Variants in DNAH9 observed in about 807,000 individuals in gnomAD.
DNAH9 encodes DNAH9 variant protein.
A neutral mutation model predicts 471.6 loss-of-function variants in DNAH9; 345 were observed. That is an observed-to-expected ratio of 0.73 (90% CI 0.67 to 0.80). DNAH9 has a LOEUF of 0.80. Among genes scored for constraint, DNAH9 ranks in the 30% least tolerant of loss-of-function variants. The pLI is 0.00. For synonymous variants in DNAH9, 2,093 were observed against 2,123.6 expected (o/e 0.99, Z 0.40); for missense variants, 5,407 against 5,609.2 (o/e 0.96, Z 1.15).
chr17:11,818,571 A>T lies in DNAH9; in HGVS notation c.8708-3349A>T, dbSNP rs575202377. 1.4e-4 allele frequency among the ~76,000 whole-genome samples: 21 copies of T among 152,274 alleles called. No individual in the cohort carries two copies. The East Asian group carries it at 3.3e-3, about 24-fold the overall frequency. On this transcript the variant is annotated intron_variant, in intron 45 of 68. Transcript: ENST00000262442. The stretch of plus-strand genomic sequence containing the variant: ...CATGTGTGAACAGCTTTTAAAAAAA[A>T]TTTTACAAAAGCATCATGTTGGTGG...
intron 42 of DNAH9, among the ~76,000 whole-genome samples, chr17:11,794,064 A>T (rs1423443590): frequency 1.7e-3 from 103 of 60,558 alleles, no homozygotes; most frequent in East Asian, 0.014. Flanking sequence ...TTTTTTTTTG[A>T]GACAGAGTCT....
chr17:11,860,794 C>T (rs1193939055), intron 50 of DNAH9, among the ~76,000 whole-genome samples: 1 of 152,156 alleles, frequency 6.6e-6, no homozygotes, highest in African/African-American at 2.4e-5. Flanking sequence ...CTCCCGACCT[C>T]AGGTGATCTG....
chr17:11,880,669 G>A (rs1366415901), intron 54 of DNAH9, among the ~76,000 whole-genome samples: 1 of 152,160 alleles, frequency 6.6e-6, no homozygotes, highest in Admixed American at 6.5e-5. Context: ...AGAGGAAGGA[G>A]ACGGGCAATG....
chr17:11,957,937 A>G (rs1175325549), intron 67 of DNAH9, among the ~76,000 whole-genome samples: 2 of 152,190 alleles, frequency 1.3e-5, no homozygotes, highest in East Asian at 3.8e-4. Context: ...CGTAAGTTTA[A>G]TTTTTTAAAT....
chr17:11,753,001 C>G, intron 33 of DNAH9, 41 bp downstream of exon 33: 1 of 1,485,846 alleles, frequency 6.7e-7, no homozygotes, highest in South Asian at 1.4e-5. Context: ...TTCTAATCAC[C>G]TGTGAAACCA....
At chr17:11,862,078 A>G (rs998547388) in intron 50 of DNAH9, among the ~76,000 whole-genome samples, 2 of 122,524 alleles carry the variant, frequency 1.6e-5, no homozygotes, top group African/African-American at 5.8e-5. Context: ...TTGGTGTTTT[A>G]GACGTGAAGT....
chr17:11,640,380 C>A lies in DNAH9; in HGVS notation c.1897C>A (p.His633Asn). Residue 633 changes from histidine to asparagine, a missense_variant, in exon 10 of 69, where the codon CAC (histidine) becomes AAC (asparagine). By Grantham distance (68) the His-to-Asn change is moderately conservative. This residue lies in a region of DNAH9 where 4,636 missense variants were observed against 4,900.3 expected (regional missense o/e 0.95). Transcript: ENST00000262442. ...GPFSNFGRIT[H>N]PCMESAEGKR... is the part of the protein sequence containing the mutation. ...TTTCAGCAACTTTGGACGCATCACA[C>A]ACCCGTGAGTATTGTGTTCCTGAAA... 1 of 1,596,196 alleles carries A rather than the reference C, an allele frequency of 6.3e-7. No individual in the cohort carries two copies. The highest frequency in any genetic ancestry group is 8.6e-7 in the Non-Finnish European group (1 of 1,163,680).
At chr17:11,778,329 C>CAAAAAA (rs57983162) in intron 38 of DNAH9, among the ~76,000 whole-genome samples, 1,168 of 48,392 alleles carry the variant, frequency 0.024, 1 homozygote, top group East Asian at 0.031. Context: ...GACTCCATCT[C>CAAAAAA]AAAAAAAAAA....
At chr17:11,794,408 A>G (rs1266508458) in intron 42 of DNAH9, among the ~76,000 whole-genome samples, 1 of 152,182 alleles carries the variant, frequency 6.6e-6, no homozygotes, top group Non-Finnish European at 1.5e-5. Flanking sequence ...TTAAAGACTG[A>G]AAATTTGGTC....
rs1597849937 is a variant in DNAH9 at position 11,937,304 on chromosome 17, G to C, written c.12490-48G>C. On this transcript the variant is annotated intron_variant, in intron 65 of 68. Transcript: ENST00000262442. The surrounding 1 kb of genome is among the most constrained non-coding windows in gnomAD (Gnocchi z 4.1). ...GAGGACAAGCCGGTGTGGGAGATGG[G>C]AGGTACGTCCTGGTTTCTTTTTAAG... 1 of 1,558,640 alleles carries C rather than the reference G, an allele frequency of 6.4e-7. No homozygotes were observed. Among genetic ancestry groups the C allele is most frequent in the South Asian group, 1.2e-5 (1 of 81,996 alleles).
intron 20 of DNAH9, among the ~76,000 whole-genome samples, chr17:11,691,836 C>T (rs2074337235): frequency 6.6e-6 from 1 of 152,230 alleles, no homozygotes; most frequent in Non-Finnish European, 1.5e-5. Flanking sequence ...CGGAGTCTTG[C>T]TCTGTCACCC....
At chr17:11,918,770 G>A (rs1220448681) in intron 61 of DNAH9, among the ~76,000 whole-genome samples, 1 of 152,116 alleles carries the variant, frequency 6.6e-6, no homozygotes, top group Non-Finnish European at 1.5e-5. Context: ...CGGATCACCT[G>A]AGGTCAGGAG....
intron 41 of DNAH9, among the ~76,000 whole-genome samples, chr17:11,790,296 G>A (rs1969018153): frequency 1.3e-5 from 2 of 151,856 alleles, no homozygotes; most frequent in South Asian, 2.1e-4. Context: ...TGGTGGGTAC[G>A]TTTATTTTTG....
In DNAH9 at chr17:11,834,582, T is replaced by G. The variant is rs3744584; in HGVS notation, c.9247-56T>G. ...CCCAACAGGCCAGTGACTAGTCCAG[T>G]GCCCACAGTCCCTCCAGTCACAACT... On this transcript the variant is annotated intron_variant, in intron 48 of 68. Transcript: ENST00000262442. 544,351 of 1,596,090 alleles carry G rather than the reference T, an allele frequency of 0.34. 94,249 individuals are homozygous for G. The highest frequency in any genetic ancestry group is 0.44 in the Admixed American group (25,854 of 58,944).
intron 30 of DNAH9, among the ~76,000 whole-genome samples, chr17:11,743,780 T>G (rs1407505320): frequency 2.0e-5 from 3 of 152,134 alleles, no homozygotes; most frequent in African/African-American, 7.2e-5. Flanking sequence ...ATATCCTGGG[T>G]ACAGCCACTG....
At chr17:11,778,305 G>A (rs1337157608) in intron 38 of DNAH9, among the ~76,000 whole-genome samples, 1 of 124,970 alleles carries the variant, frequency 8.0e-6, no homozygotes, top group African/African-American at 3.2e-5. Context: ...ATTCCAGCCT[G>A]GGCGACAGAG....
rs1018845117 is a variant in DNAH9, at chr17:11,619,697, C to T, written c.1266C>T (p.Asn422=). ...RENLHTYFKE[N]QEVKEWDFQS... The stretch of plus-strand genomic sequence containing the variant: ...ATCTCCACACTTACTTCAAAGAGAA[C>T]CAGGAAGTCAAGGAATGGGATTTCC... Residue 422 remains asparagine (N), a synonymous_variant, in exon 6 of 69, where the codon AAC becomes AAT. Transcript: ENST00000262442. 2 of 1,614,032 alleles carry T rather than the reference C, an allele frequency of 1.2e-6. No individual in the cohort carries two copies. Among genetic ancestry groups the T allele is most frequent in the Non-Finnish European group, 8.5e-7 (1 of 1,179,902 alleles).
intron 23 of DNAH9, among the ~76,000 whole-genome samples, chr17:11,700,338 G>C (rs541714428): frequency 4.6e-5 from 7 of 152,150 alleles, no homozygotes; most frequent in Admixed American, 4.6e-4. Flanking sequence ...ATGTGTCTTA[G>C]TGTCACTTCC....
intron 41 of DNAH9, among the ~76,000 whole-genome samples, chr17:11,786,479 CTG>C (rs143887275): frequency 0.014 from 2,082 of 152,242 alleles, 50 homozygotes; most frequent in African/African-American, 0.047. Flanking sequence ...AGACTTTAGT[CTG>C]TAATAATAGC....
Sources: gnomAD v4.1 joint callset for allele counts (sites outside exome capture counted in the v4.1 genomes callset) on GRCh38, gnomAD v4.1.1 for gene constraint, gnomAD v4.1.1 regional missense constraint, Gnocchi (gnomAD v3.1) non-coding constraint, MANE v1.5 for transcripts, NCBI Gene and HGNC (gene_info 2026-07-23, HGNC 2026-07-21) for gene names.